Variants in MELTF observed in about 807,000 individuals in gnomAD.
MELTF encodes the protein melanotransferrin, also known as antigen p97 (melanoma associated) identified by monoclonal antibodies 133.2 and 96.5.
MELTF carries 67 observed loss-of-function variants against 83.7 expected under a neutral mutation model. The observed-to-expected ratio is 0.80, with a 90% CI of 0.66 to 0.98. The LOEUF (loss-of-function observed/expected upper bound fraction) is 0.98, where lower values mean the gene tolerates loss of function less well. Ranked by LOEUF, MELTF falls within the 50% of genes least tolerant of loss-of-function variation. The probability of loss-of-function intolerance (pLI) is 0.00; values close to 1 mark genes in which losing one functional copy is unlikely to be tolerated. For synonymous variants in MELTF, 462 were observed against 447.6 expected (o/e 1.03, Z -0.41); for missense variants, 1,002 against 1,035.6 (o/e 0.97, Z 0.44).
In MELTF at chr3:197,016,811, GTTTA is replaced by G. The variant is rs1240255272; in HGVS notation, c.900+288_900+291del. Among the ~76,000 whole-genome samples, 7 of 88,998 alleles carry G rather than the reference GTTTA, an allele frequency of 7.9e-5. No individual in the cohort carries two copies. In the East Asian group the frequency reaches 1.9e-3, roughly 24 times the overall value. The allele number at this position is 88,998 out of a possible 152,430, so 58.4% of individuals were successfully genotyped here. A position where few individuals can be genotyped will look rare whatever the true frequency, so the allele number is the denominator to read the frequency against. On this transcript the variant is annotated intron_variant, in intron 7 of 15. Transcript: ENST00000296350. ...TGAAAGGCGCTGGTTTTGTTACTTG[GTTTA>G]TTTGCTCATATGTTTTGGTTTTAGC... is the stretch of plus-strand genomic sequence containing the variant.
At position 197,029,082 on chromosome 3, in the gene MELTF, C is replaced by T. The variant is rs999523882; in HGVS notation, c.49+572G>A. ...GGTGCCACGAACTCCATCCCCTCGG[C>T]GGTCGCCGCCCGCGATCCCCGCGAG... On this transcript the variant is annotated intron_variant, in intron 1 of 15. Coordinates refer to ENST00000296350, the MANE Select transcript of MELTF (RefSeq NM_005929.6). The surrounding 1 kb of genome is among the most constrained non-coding windows in gnomAD (Gnocchi z 6.5). 9.2e-5 allele frequency: 14 copies of T among 151,974 alleles called. No homozygotes were observed. Among genetic ancestry groups the T allele is most frequent in the African/African-American group, 3.4e-4 (14 of 41,376 alleles). The allele number at this position is 151,974 out of a possible 1,614,324, so 9.4% of individuals were successfully genotyped here. A position where few individuals can be genotyped will look rare whatever the true frequency, so the allele number is the denominator to read the frequency against.
chr3:197,015,226 C>T (rs1426172121), intron 9 of MELTF, 139 bp downstream of exon 9: 2 of 1,115,138 alleles, frequency 1.8e-6, no homozygotes, highest in Admixed American at 2.5e-5. Context: ...GCGGTCGCTC[C>T]TCCCCACCCG....
At chr3:197,026,588 C>T (rs1175779741) in intron 3 of MELTF, 72 bp downstream of exon 3, 3 of 1,420,626 alleles carry the variant, frequency 2.1e-6, no homozygotes, top group South Asian at 1.1e-5. Flanking sequence ...TCAGGCCAGG[C>T]CCAGCAAGGG....
Position 197,028,017 on chromosome 3 carries a change from C to G in MELTF, c.50-107G>C, listed in dbSNP as rs1719937376. The G allele has an allele frequency of 3.0e-6, 4 of 1,337,312 alleles. No homozygotes were observed. In the East Asian group the frequency reaches 1.0e-4, roughly 34 times the overall value. 82.8% of individuals were successfully genotyped at this position (1,337,312 alleles called of 1,614,324 possible). A position where few individuals can be genotyped will look rare whatever the true frequency, so the allele number is the denominator to read the frequency against. On this transcript the variant is annotated intron_variant, in intron 1 of 15. Transcript: ENST00000296350. ...GTGTGAGCCCATTCGCCTGGACAGC[C>G]AGTCCTCTAGGGCAGCCCTGCCCTC...
chr3:197,017,523 GA>G (rs1719430302), intron 6 of MELTF, among the ~76,000 whole-genome samples: 2 of 152,322 alleles, frequency 1.3e-5, no homozygotes, highest in South Asian at 4.1e-4. Flanking sequence ...AAGTGAATTG[GA>G]GGTATCTGAC....
chr3:197,027,661 C>A, intron 2 of MELTF, 95 bp downstream of exon 2: 2 of 1,415,474 alleles, frequency 1.4e-6, no homozygotes, highest in Non-Finnish European at 1.9e-6. Context: ...CCTGGCAGGG[C>A]GAGGTCGGCT....
rs764432678 is a variant in MELTF at position 197,024,437 on chromosome 3, T to C, written c.353A>G (p.His118Arg). The C allele has an allele frequency of 6.2e-6, 10 of 1,608,396 alleles. No homozygotes were observed. Among genetic ancestry groups the C allele is most frequent in the South Asian group, 3.3e-5 (3 of 90,802 alleles). ...YAVAVVRRSS[H>R]VTIDTLKGVK... ...GCCTTTCAGGGTGTCAATGGTCACA[T>C]GGGAGCTCCTCCTGACCACAGCCAC... is the stretch of plus-strand genomic sequence containing the variant. The change falls in exon 4 of 16, where the codon CAT (histidine) becomes CGT (arginine). Residue 118 changes from histidine (H) to arginine (R), a missense_variant. Transcript: ENST00000296350. The surrounding 1 kb of genome is among the most constrained non-coding windows in gnomAD (Gnocchi z 5.3).
At chr3:197,005,004 G>A (rs1031927267) in intron 14 of MELTF, among the ~76,000 whole-genome samples, 3 of 152,226 alleles carry the variant, frequency 2.0e-5, no homozygotes, top group Non-Finnish European at 4.4e-5. Context: ...ATGACAGGAA[G>A]GAACATGCGT....
Position 197,009,676 on chromosome 3 carries a change from G to A in MELTF, c.1467C>T (p.Pro489=), listed in dbSNP as rs146339339. The A allele has an allele frequency of 8.1e-4, 1,312 of 1,613,862 alleles. 1 individual carries two copies. Among genetic ancestry groups the A allele is most frequent in the Admixed American group, 9.2e-4 (55 of 60,036 alleles). The part of the protein sequence containing the change: ...GFGSPAGWDV[P]VGALIQRGFI... Reference sequence around the variant, plus strand: ...AGCCTCTCTGAATAAGGGCACCCACGGGGACATCCCAGCCTGCAGGGCTGC... The same window carrying A: ...AGCCTCTCTGAATAAGGGCACCCACAGGGACATCCCAGCCTGCAGGGCTGC... The change falls in exon 11 of 16, where the codon CCC becomes CCT. Residue 489 remains proline (P), a synonymous_variant. Transcript: ENST00000296350.
intron 6 of MELTF, among the ~76,000 whole-genome samples, chr3:197,021,083 G>C (rs1201613473): frequency 2.0e-5 from 3 of 152,190 alleles, no homozygotes; most frequent in African/African-American, 7.2e-5. Context: ...TTTGCAAATT[G>C]CTTAAAAAAT....
chr3:197,004,237 G>A lies in MELTF; in HGVS notation c.1939-138C>T, dbSNP rs892045056. On this transcript the variant is annotated intron_variant, in intron 14 of 15. Coordinates refer to ENST00000296350, the MANE Select transcript of MELTF (RefSeq NM_005929.6). ...TTTCAGGGCCCCACCACTCTGATTG[G>A]AAGTCATAAGCTTGACAACTGATTG... The A allele has an allele frequency of 4.9e-6, 4 of 817,764 alleles. No homozygotes were observed. In the Admixed American group the frequency reaches 7.8e-5, roughly 16 times the overall value. The allele number at this position is 817,764 out of a possible 1,614,324, so 50.7% of individuals were successfully genotyped here. A position where few individuals can be genotyped will look rare whatever the true frequency, so the allele number is the denominator to read the frequency against.
chr3:197,007,200 C>T lies in MELTF; in HGVS notation c.1751-464G>A, dbSNP rs1719012269. ...AGTTCTCAAATGGAACAGGGTATAG[C>T]ATCACTTGTGGATGCAGAAGGCAGC... On this transcript the variant is annotated intron_variant, in intron 13 of 15. Coordinates refer to ENST00000296350, the MANE Select transcript of MELTF (RefSeq NM_005929.6). The surrounding 1 kb of genome is among the most constrained non-coding windows in gnomAD (Gnocchi z 4.3). 6.6e-6 allele frequency among the ~76,000 whole-genome samples: 1 copy of T among 152,134 alleles called. No homozygotes were observed.
At chr3:197,019,786 CTTCGTGATGGACT>C in intron 6 of MELTF, 1 of 1,579,398 alleles carries the variant, frequency 6.3e-7, no homozygotes, top group Non-Finnish European at 8.7e-7. Flanking sequence ...CCATGTTTGC[CTTCGTGATGGACT>C]TTCTGATTTA....
chr3:197,014,000 C>T (rs1377432620), intron 9 of MELTF, among the ~76,000 whole-genome samples: 14 of 152,210 alleles, frequency 9.2e-5, no homozygotes, highest in Admixed American at 9.2e-4. Flanking sequence ...AGTAATCCCA[C>T]CACTGGGAAT....
At chr3:197,014,874 C>A (rs1381885650) in intron 9 of MELTF, among the ~76,000 whole-genome samples, 1 of 152,080 alleles carries the variant, frequency 6.6e-6, no homozygotes, top group East Asian at 1.9e-4. Flanking sequence ...TTCTATGTAT[C>A]AAAACATCAG....
At position 197,006,221 on chromosome 3, in the gene MELTF, CA is replaced by C. The variant is rs1405683979; in HGVS notation, c.1938+327del. 4.4e-5 allele frequency among the ~76,000 whole-genome samples: 6 copies of C among 136,340 alleles called. No individual in the cohort carries two copies. The highest frequency in any genetic ancestry group is 2.1e-4 in the East Asian group (1 of 4,764). The allele number at this position is 136,340 out of a possible 152,430, so 89.4% of individuals were successfully genotyped here. On this transcript the variant is annotated intron_variant, in intron 14 of 15. Coordinates refer to ENST00000296350, the MANE Select transcript of MELTF (RefSeq NM_005929.6). The surrounding 1 kb of genome is among the most constrained non-coding windows in gnomAD (Gnocchi z 5.4). ...GGGGCGACAGAGTAAGACTCCGTCT[CA>C]AAAAAAAAAGAAAAAAAGGGAGCAG...
chr3:197,019,189 G>T, intron 6 of MELTF: 1 of 1,000,988 alleles, frequency 1.0e-6, no homozygotes, highest in Non-Finnish European at 1.2e-6. Context: ...TCCTACCCCC[G>T]CTTCCCAACT....
rs201973729 is a variant in MELTF, at chr3:197,024,410, A to C, written c.380T>G (p.Val127Gly). The C allele has an allele frequency of 1.0e-4, 167 of 1,610,616 alleles. 1 individual carries two copies. In the East Asian group the frequency reaches 3.5e-3, roughly 34 times the overall value. Residue 127 changes from valine (V) to glycine (G), a missense_variant, in exon 4 of 16, where the codon GTG (valine) becomes GGG (glycine). Val to Gly is a moderately radical substitution (Grantham distance 109, BLOSUM62 -3). Coordinates refer to ENST00000296350, the MANE Select transcript of MELTF (RefSeq NM_005929.6). The surrounding 1 kb of genome is among the most constrained non-coding windows in gnomAD (Gnocchi z 5.3). ...ATTGATGCCCGTGTGGCAGGACTTC[A>C]CGCCTTTCAGGGTGTCAATGGTCAC... The part of the protein sequence containing the change: ...SHVTIDTLKG[V>G]KSCHTGINRT...
rs1435293246 is a variant in MELTF at position 197,011,111 on chromosome 3, C to T, written c.1234-317G>A. ...GCGCGATCCCTACCCTCATGCTTGG[C>T]GTGGGCCTCCCTGTGCCCTGCCAGC... is the stretch of plus-strand genomic sequence containing the variant. On this transcript the variant is annotated intron_variant, in intron 9 of 15. Transcript: ENST00000296350. This position sits in a 1 kb window ranked among gnomAD's most constrained non-coding sequence, Gnocchi z 4.2. Among the ~76,000 whole-genome samples, 1 of 152,222 alleles carries T rather than the reference C, an allele frequency of 6.6e-6. No homozygotes were observed. The highest frequency in any genetic ancestry group is 1.9e-4 in the East Asian group (1 of 5,190).
Sources: gnomAD v4.1 joint callset for allele counts (sites outside exome capture counted in the v4.1 genomes callset) on GRCh38, gnomAD v4.1.1 for gene constraint, Gnocchi (gnomAD v3.1) non-coding constraint, MANE v1.5 for transcripts, NCBI Gene and HGNC (gene_info 2026-07-23, HGNC 2026-07-21) for gene names.